EXD3: variants seen among roughly 807,000 people sequenced by gnomAD.
The protein encoded by EXD3 is exonuclease mut-7 homolog.
In EXD3, 92 loss-of-function variants were observed where a neutral mutation model predicts 98.0. That is an observed-to-expected ratio of 0.94 (90% CI 0.79 to 1.12). The LOEUF (loss-of-function observed/expected upper bound fraction) is 1.12, where lower values mean the gene tolerates loss of function less well. EXD3 is among the 50% of genes most tolerant of loss of function. EXD3 has a pLI of 0.00. For missense variants in EXD3, 1,222 were observed against 1,191.6 expected, an observed-to-expected ratio of 1.03 and a Z score of -0.38; for synonymous variants, 569 against 526.0, an observed-to-expected ratio of 1.08 and a Z score of -1.12.
chr9:137,376,790 A>G (rs543224238), intron 3 of EXD3, among the ~76,000 whole-genome samples: 58 of 152,112 alleles, frequency 3.8e-4, no homozygotes, highest in Admixed American at 1.8e-3. Context: ...TTAGCTAGGC[A>G]TGGTGGCACA....
intron 17 of EXD3, among the ~76,000 whole-genome samples, chr9:137,329,733 G>A (rs373502533): frequency 1.5e-4 from 4 of 26,404 alleles, no homozygotes; most frequent in South Asian, 1.2e-3. Flanking sequence ...GGGACTACAC[G>A]GGGTCACACG....
rs73581593 is a variant in EXD3, at chr9:137,359,753, C to T, written c.657-3385G>A. On this transcript the variant is annotated intron_variant, in intron 7 of 21. Coordinates refer to ENST00000340951, the MANE Select transcript of EXD3 (RefSeq NM_017820.5). ...TCTCTGTCCACGCTGCTGAGTGTGA[C>T]GAGGTTCAGTCTCTCACAGCTGAGT... is the stretch of plus-strand genomic sequence containing the variant. Among the ~76,000 whole-genome samples the T allele has an allele frequency of 8.8e-3, 753 of 85,858 alleles. 227 individuals are homozygous for T. The highest frequency in any genetic ancestry group is 0.042 in the Middle Eastern group (5 of 120). The allele number at this position is 85,858 out of a possible 152,430, so 56.3% of individuals were successfully genotyped here.
rs372269652 is a variant in EXD3, at chr9:137,352,825, T to C, written c.871-39A>G. Reference sequence around the variant, plus strand: ...GGCCGTGAGGATGGAGATGGGGACATTGCTGTGCCACAGGGCCCTGCCCCG... The same window carrying C: ...GGCCGTGAGGATGGAGATGGGGACACTGCTGTGCCACAGGGCCCTGCCCCG... On this transcript the variant is annotated intron_variant, in intron 10 of 21. Transcript: ENST00000340951. 1.5e-5 allele frequency: 24 copies of C among 1,559,470 alleles called. No individual in the cohort carries two copies. In the African/African-American group the frequency reaches 2.7e-4, roughly 18 times the overall value.
chr9:137,396,428 C>T (rs571682242), intron 1 of EXD3, among the ~76,000 whole-genome samples: 12 of 152,314 alleles, frequency 7.9e-5, no homozygotes, highest in Admixed American at 5.9e-4. Context: ...ATGTGAACTC[C>T]GAATCCTAAC....
chr9:137,371,586 T>TA lies in EXD3; in HGVS notation c.462+1318dup, dbSNP rs1357045126. 2.0e-5 allele frequency among the ~76,000 whole-genome samples: 3 copies of TA among 151,794 alleles called. No individual in the cohort carries two copies. The highest frequency in any genetic ancestry group is 2.9e-5 in the Non-Finnish European group (2 of 67,858). ...GTGGCCTTCACGCTCGGCCCTGAAG[T>TA]AAGGGGGCCCTAATGGGGCGGGGAG... On this transcript the variant is annotated intron_variant, in intron 5 of 21. Transcript: ENST00000340951. This position sits in a 1 kb window ranked among gnomAD's most constrained non-coding sequence, Gnocchi z 8.0.
rs896662360 is a variant in EXD3 at position 137,395,414 on chromosome 9, C to A, written c.-47-10G>T. 6.8e-6 allele frequency: 11 copies of A among 1,612,134 alleles called. No homozygotes were observed. Among genetic ancestry groups the A allele is most frequent in the African/African-American group, 1.3e-5 (1 of 74,900 alleles). On this transcript the variant is annotated splice_polypyrimidine_tract_variant and intron_variant, in intron 1 of 21. Coordinates refer to ENST00000340951, the MANE Select transcript of EXD3 (RefSeq NM_017820.5). The surrounding 1 kb of genome is among the most constrained non-coding windows in gnomAD (Gnocchi z 6.5). ...AGCTAGGAACGAGGATCTGCAGAAA[C>A]AGACAATCAGGTGAATGCAGAGCCC... is the stretch of plus-strand genomic sequence containing the variant.
rs1286425446 is a variant in EXD3, at chr9:137,360,233, A to C, written c.657-3865T>G. Among the ~76,000 whole-genome samples, 2 of 85,060 alleles carry C rather than the reference A, an allele frequency of 2.4e-5. 1 individual carries two copies. Among genetic ancestry groups the C allele is most frequent in the Non-Finnish European group, 5.8e-5 (2 of 34,698 alleles). 55.8% of individuals were successfully genotyped at this position (85,060 alleles called of 152,430 possible). A position where few individuals can be genotyped will look rare whatever the true frequency, so the allele number is the denominator to read the frequency against. On this transcript the variant is annotated intron_variant, in intron 7 of 21. Coordinates refer to ENST00000340951, the MANE Select transcript of EXD3 (RefSeq NM_017820.5). ...ATTCAAGGCTTTTGCTCATTTAAAAACTTGGTTTGTTTTGTCTTTTATTGT... is the reference window on the plus strand; with the variant it reads ...ATTCAAGGCTTTTGCTCATTTAAAACCTTGGTTTGTTTTGTCTTTTATTGT...
chr9:137,328,583 TACACGGGAC>T (rs1832641734), intron 17 of EXD3, among the ~76,000 whole-genome samples: 1 of 19,090 alleles, frequency 5.2e-5, no homozygotes, highest in Non-Finnish European at 1.1e-4. Flanking sequence ...ACACAGGAGC[TACACGGGAC>T]TACACGGGAC....
intron 10 of EXD3, chr9:137,354,071 G>A: frequency 8.1e-7 from 1 of 1,229,052 alleles, no homozygotes; most frequent in South Asian, 3.5e-5. Flanking sequence ...CAGCTCCGCT[G>A]GGTTGGTTCG....
intron 2 of EXD3, chr9:137,392,884 A>G: frequency 2.3e-5 from 8 of 344,266 alleles, no homozygotes; most frequent in Non-Finnish European, 3.2e-5. Context: ...GAGGACCATT[A>G]GTGTTCCAGC....
chr9:137,355,588 GA>G (rs1420486361), intron 8 of EXD3, among the ~76,000 whole-genome samples: 1 of 11,994 alleles, frequency 8.3e-5, no homozygotes, highest in African/African-American at 5.2e-4. Context: ...GGAGGAAGGA[GA>G]AAGGGCGGAA....
chr9:137,327,491 T>C (rs1179053539), intron 17 of EXD3, among the ~76,000 whole-genome samples: 1 of 152,086 alleles, frequency 6.6e-6, no homozygotes, highest in Non-Finnish European at 1.5e-5. Context: ...GATGGATATG[T>C]GATACAGTGA....
At chr9:137,322,596 G>A (rs1235593548) in intron 19 of EXD3, among the ~76,000 whole-genome samples, 1 of 87,618 alleles carries the variant, frequency 1.1e-5, no homozygotes, top group Admixed American at 1.1e-4. Context: ...GACCACGAGG[G>A]ATGCTCTGCC....
Position 137,354,726 on chromosome 9 carries a change from G to A in EXD3, c.805C>T (p.His269Tyr). ...AIQQRLAALR[H>Y]LCHKRFVEKS... ...TCCACAAACCGCTTGTGGCACAGGTGCCGCAGGGCCGCCAGGCGCTGCTGA... is the reference window on the plus strand; with the variant it reads ...TCCACAAACCGCTTGTGGCACAGGTACCGCAGGGCCGCCAGGCGCTGCTGA... Residue 269 changes from histidine (H) to tyrosine (Y), a missense_variant, in exon 9 of 22, where the codon CAC (histidine) becomes TAC (tyrosine). By Grantham distance (83) the His-to-Tyr change is moderately conservative (BLOSUM62 2). Transcript: ENST00000340951. 6.2e-7 allele frequency: 1 copy of A among 1,610,862 alleles called. No individual in the cohort carries two copies.
intron 17 of EXD3, among the ~76,000 whole-genome samples, chr9:137,333,559 T>TG (rs1005607781): frequency 2.0e-5 from 3 of 152,136 alleles, no homozygotes; most frequent in African/African-American, 7.2e-5. Flanking sequence ...CACTCGATCA[T>TG]GGGGGAGGAT....
chr9:137,388,482 T>C (rs7468932), intron 2 of EXD3, among the ~76,000 whole-genome samples: 102,150 of 152,020 alleles, frequency 0.67, 36,275 homozygotes, highest in African/African-American at 0.91. Flanking sequence ...CTGTGGGCTG[T>C]GGAGTGGGTG....
intron 17 of EXD3, among the ~76,000 whole-genome samples, chr9:137,329,538 CACACGGGACT>C (rs1832825416): frequency 3.7e-5 from 2 of 53,538 alleles, no homozygotes; most frequent in Non-Finnish European, 6.8e-5. Flanking sequence ...TACACGGGGT[CACACGGGACT>C]ACACGGGACT....
At chr9:137,411,454 C>A (rs565546558) in intron 1 of EXD3, among the ~76,000 whole-genome samples, 4 of 151,870 alleles carry the variant, frequency 2.6e-5, no homozygotes, top group Non-Finnish European at 4.4e-5. Flanking sequence ...AAGGCGGGAC[C>A]GGCGGGACCA....
intron 1 of EXD3, among the ~76,000 whole-genome samples, chr9:137,397,477 A>G (rs980254636): frequency 3.9e-5 from 6 of 152,228 alleles, no homozygotes; most frequent in Non-Finnish European, 8.8e-5. Context: ...TCCACAATGG[A>G]TAATTCACGA....
Sources: gnomAD v4.1 joint callset for allele counts (sites outside exome capture counted in the v4.1 genomes callset) on GRCh38, gnomAD v4.1.1 for gene constraint, Gnocchi (gnomAD v3.1) non-coding constraint, MANE v1.5 for transcripts, NCBI Gene and HGNC (gene_info 2026-07-23, HGNC 2026-07-21) for gene names.